PXN: variants seen among roughly 807,000 people sequenced by gnomAD.
The protein encoded by PXN is testicular tissue protein Li 134.
PXN carries 61 observed loss-of-function variants against 103.6 expected under a neutral mutation model. That is an observed-to-expected ratio of 0.59 (90% CI 0.48 to 0.73). The LOEUF (loss-of-function observed/expected upper bound fraction) is 0.73, where lower values mean the gene tolerates loss of function less well. Among genes scored for constraint, PXN ranks in the 30% least tolerant of loss-of-function variants. The pLI, the probability that PXN is intolerant of heterozygous loss-of-function variation, is 0.00. For synonymous variants in PXN, 562 were observed against 607.8 expected (o/e 0.92, Z 1.11); for missense variants, 1,274 against 1,460.3 (o/e 0.87, Z 2.08).
chr12:120,256,222 G>T (rs1290660364), intron 1 of PXN, among the ~76,000 whole-genome samples: 4 of 152,002 alleles, frequency 2.6e-5, no homozygotes, highest in African/African-American at 9.7e-5. Context: ...ACCAGCCTGA[G>T]AAACATAATG....
intron 1 of PXN, among the ~76,000 whole-genome samples, chr12:120,254,488 G>C (rs760655156): frequency 6.6e-6 from 1 of 152,176 alleles, no homozygotes; most frequent in Non-Finnish European, 1.5e-5. Context: ...CTATCTGTAC[G>C]TATCCTATGA....
Position 120,222,417 on chromosome 12 carries a change from AT to A in PXN, c.695+131del. On this transcript the variant is annotated intron_variant, in intron 5 of 14. Coordinates refer to ENST00000637617, the MANE Select transcript of PXN (RefSeq NM_001385981.1). The surrounding 1 kb of genome is among the most constrained non-coding windows in gnomAD (Gnocchi z 4.7). ...GATGGTGTCCATGTGACTCACCACT[AT>A]CCCCCCAGTGCCTGGCAAATGGCAG... The A allele has an allele frequency of 9.6e-7, 1 of 1,036,324 alleles. No homozygotes were observed. 64.2% of individuals were successfully genotyped at this position (1,036,324 alleles called of 1,614,324 possible). A position where few individuals can be genotyped will look rare whatever the true frequency, so the allele number is the denominator to read the frequency against.
In PXN at chr12:120,222,763, A is replaced by C; in HGVS notation, c.494-13T>G. On this transcript the variant is annotated splice_polypyrimidine_tract_variant and intron_variant, in intron 4 of 14. Transcript: ENST00000637617. The surrounding 1 kb of genome is among the most constrained non-coding windows in gnomAD (Gnocchi z 4.7). Reference sequence around the variant, plus strand: ...GAGTTGGCCTCATCTTGCAGAGAGGAGAGAAAAAGGCTGCTCAGCCCTTGA... The same window carrying C: ...GAGTTGGCCTCATCTTGCAGAGAGGCGAGAAAAAGGCTGCTCAGCCCTTGA... The C allele has an allele frequency of 6.2e-7, 1 of 1,601,760 alleles. No homozygotes were observed. The highest frequency in any genetic ancestry group is 8.5e-7 in the Non-Finnish European group (1 of 1,173,910).
rs1243576081 is a variant in PXN, at chr12:120,225,068, T to TC, written c.14-692dup. 6 of 259,708 alleles carry TC rather than the reference T, an allele frequency of 2.3e-5. No individual in the cohort carries two copies. Among genetic ancestry groups the TC allele is most frequent in the African/African-American group, 1.3e-4 (6 of 45,220 alleles). 16.1% of individuals were successfully genotyped at this position (259,708 alleles called of 1,614,324 possible). ...TGGCAAGCAGCCCGGCCCCAGAGGC[T>TC]CCAGGCCCCCACTGTTCTGCTTTTA... is the stretch of plus-strand genomic sequence containing the variant. On this transcript the variant is annotated intron_variant, in intron 1 of 14. Transcript: ENST00000637617. The surrounding 1 kb of genome is among the most constrained non-coding windows in gnomAD (Gnocchi z 4.4).
In PXN at chr12:120,217,107, C is replaced by T; in HGVS notation, c.1726G>A (p.Val576Met). The T allele has an allele frequency of 6.3e-7, 1 of 1,586,624 alleles. No homozygotes were observed. Among genetic ancestry groups the T allele is most frequent in the African/African-American group, 1.3e-5 (1 of 74,898 alleles). The part of the protein sequence containing the change: ...RISTSGQIRS[V>M]IRRSWESGHA... ...CCAGACTCCCAGCTCCTCCTGATCA[C>T]AGATCGGATCTAGGGGGAGGGGGAG... The change falls in exon 8 of 15, where the codon GTG becomes ATG. Residue 576 changes from valine (V) to methionine (M), a missense_variant. Coordinates refer to ENST00000637617, the MANE Select transcript of PXN (RefSeq NM_001385981.1). The surrounding 1 kb of genome is among the most constrained non-coding windows in gnomAD (Gnocchi z 4.1).
chr12:120,255,464 G>A (rs529153531), intron 1 of PXN, among the ~76,000 whole-genome samples: 1 of 152,334 alleles, frequency 6.6e-6, no homozygotes, highest in East Asian at 1.9e-4. Context: ...GGGAGACCGA[G>A]GCAGGCAGAT....
rs1007740977 is a variant in PXN at position 120,224,994 on chromosome 12, T to A, written c.14-617A>T. 4 of 336,086 alleles carry A rather than the reference T, an allele frequency of 1.2e-5. No individual in the cohort carries two copies. Among genetic ancestry groups the A allele is most frequent in the African/African-American group, 8.6e-5 (4 of 46,376 alleles). 20.8% of individuals were successfully genotyped at this position (336,086 alleles called of 1,614,324 possible). A position where few individuals can be genotyped will look rare whatever the true frequency, so the allele number is the denominator to read the frequency against. On this transcript the variant is annotated intron_variant, in intron 1 of 14. Coordinates refer to ENST00000637617, the MANE Select transcript of PXN (RefSeq NM_001385981.1). This position sits in a 1 kb window ranked among gnomAD's most constrained non-coding sequence, Gnocchi z 5.0. ...GGCTGGTGCAGCGGTCCCCACCCCC[T>A]CAGTGAGCAGGGGGCAAGACTGCTC...
chr12:120,219,984 C>A lies in PXN; in HGVS notation c.939G>T (p.Leu313=). 1 of 1,587,570 alleles carries A rather than the reference C, an allele frequency of 6.3e-7. No individual in the cohort carries two copies. Among genetic ancestry groups the A allele is most frequent in the Non-Finnish European group, 8.5e-7 (1 of 1,170,658 alleles). The change falls in exon 7 of 15, where the codon CTG becomes CTT. Residue 313 remains leucine (L), a synonymous_variant. Coordinates refer to ENST00000637617, the MANE Select transcript of PXN (RefSeq NM_001385981.1). This position sits in a 1 kb window ranked among gnomAD's most constrained non-coding sequence, Gnocchi z 6.5. ...GAGGGGAGGGTATAGTGGTGGGTGG[C>A]AGAAATACAGATGGCATGGGAGGAG... ...PSPPPMPSVF[L]PPTTIPSPRG... is the part of the protein sequence containing the mutation.
In PXN at chr12:120,224,465, G is replaced by A. The variant is rs762152238; in HGVS notation, c.14-88C>T. The A allele has an allele frequency of 1.0e-6, 1 of 957,990 alleles. No homozygotes were observed. The highest frequency in any genetic ancestry group is 1.3e-5 in the South Asian group (1 of 78,094). 59.3% of individuals were successfully genotyped at this position (957,990 alleles called of 1,614,324 possible). A position where few individuals can be genotyped will look rare whatever the true frequency, so the allele number is the denominator to read the frequency against. ...GGCCCTCCCTGCCTGCACCTCAAGA[G>A]TTAATGCCTTCTAGCACCTGCCCCA... On this transcript the variant is annotated intron_variant, in intron 1 of 14. Transcript: ENST00000637617. The surrounding 1 kb of genome is among the most constrained non-coding windows in gnomAD (Gnocchi z 5.0).
chr12:120,257,445 G>A (rs2238157), intron 1 of PXN, among the ~76,000 whole-genome samples: 22,805 of 152,086 alleles, frequency 0.15, 2,040 homozygotes, highest in East Asian at 0.45. Flanking sequence ...GGCCAGCCTC[G>A]GCATCTCTGC....
chr12:120,223,316 C>G (rs958444491), intron 3 of PXN, among the ~76,000 whole-genome samples: 1 of 152,106 alleles, frequency 6.6e-6, no homozygotes, highest in Admixed American at 6.6e-5. Flanking sequence ...TGCCTGTAGT[C>G]CCAGCTACTT....
chr12:120,238,302 G>A (rs1207542949), intron 1 of PXN, among the ~76,000 whole-genome samples: 1 of 152,144 alleles, frequency 6.6e-6, no homozygotes, highest in Non-Finnish European at 1.5e-5. Flanking sequence ...TAGCCTGCAA[G>A]AAGCCCACTA....
At position 120,225,967 on chromosome 12, in the gene PXN, G is replaced by T; in HGVS notation, c.14-1590C>A. ...TCTGTTCCAAGGCCCAGGACCCCGG[G>T]TCTGGTCGCCTGACCTCCAAGGAAG... is the stretch of plus-strand genomic sequence containing the variant. On this transcript the variant is annotated intron_variant, in intron 1 of 14. Transcript: ENST00000637617. The surrounding 1 kb of genome is among the most constrained non-coding windows in gnomAD (Gnocchi z 4.4). 1 of 785,466 alleles carries T rather than the reference G, an allele frequency of 1.3e-6. No individual in the cohort carries two copies. Among genetic ancestry groups the T allele is most frequent in the African/African-American group, 1.8e-5 (1 of 54,314 alleles). The allele number at this position is 785,466 out of a possible 1,614,324, so 48.7% of individuals were successfully genotyped here.
rs1050196783 is a variant in PXN at position 120,210,818 on chromosome 12, C to G, written c.*1496G>C. The G allele has an allele frequency of 1.0e-4, 16 of 152,658 alleles. No individual in the cohort carries two copies. The highest frequency in any genetic ancestry group is 3.9e-4 in the African/African-American group (16 of 41,422). 9.5% of individuals were successfully genotyped at this position (152,658 alleles called of 1,614,324 possible). ...GGGCCCCTTTCTCCTCATCAGGAGCCCAAGGCCTGGCTCCTCTTTCATCCT... is the reference window on the plus strand; with the variant it reads ...GGGCCCCTTTCTCCTCATCAGGAGCGCAAGGCCTGGCTCCTCTTTCATCCT... On this transcript the variant is annotated 3_prime_UTR_variant, in exon 15 of 15. Coordinates refer to ENST00000637617, the MANE Select transcript of PXN (RefSeq NM_001385981.1).
chr12:120,235,897 C>A (rs527662753), intron 1 of PXN, among the ~76,000 whole-genome samples: 2 of 152,218 alleles, frequency 1.3e-5, no homozygotes, highest in Non-Finnish European at 2.9e-5. Context: ...GGGAACCAAC[C>A]TCTGACCTCG....
chr12:120,228,031 T>G lies in PXN; in HGVS notation c.14-3654A>C, dbSNP rs1887255624. ...CCTCTGCTCTAAATATTCCTGCTCC[T>G]CATACCCCAAAGAAGGTGTCAGGCT... On this transcript the variant is annotated intron_variant, in intron 1 of 14. Transcript: ENST00000637617. The surrounding 1 kb of genome is among the most constrained non-coding windows in gnomAD (Gnocchi z 4.7). 6.6e-6 allele frequency among the ~76,000 whole-genome samples: 1 copy of G among 152,166 alleles called. No homozygotes were observed. Among genetic ancestry groups the G allele is most frequent in the African/African-American group, 2.4e-5 (1 of 41,428 alleles).
intron 1 of PXN, among the ~76,000 whole-genome samples, chr12:120,256,814 T>A (rs1283364778): frequency 6.6e-6 from 1 of 152,072 alleles, no homozygotes; most frequent in African/African-American, 2.4e-5. Flanking sequence ...GCCTCCCAGG[T>A]TCAAGGAATT....
intron 3 of PXN, among the ~76,000 whole-genome samples, chr12:120,223,428 C>T (rs563356259): frequency 3.6e-4 from 54 of 150,298 alleles, no homozygotes; most frequent in Admixed American, 2.4e-3. Flanking sequence ...AGTGACAGAG[C>T]GAGACCCCGT....
intron 1 of PXN, among the ~76,000 whole-genome samples, chr12:120,231,950 T>C (rs1387024572): frequency 1.3e-5 from 2 of 152,246 alleles, no homozygotes; most frequent in Non-Finnish European, 1.5e-5. Context: ...CCAGGTTGAC[T>C]CTGAGCACTT....
Sources: allele counts gnomAD v4.1 joint callset (sites outside exome capture counted in the v4.1 genomes callset), GRCh38; gene constraint gnomAD v4.1.1; non-coding constraint Gnocchi (gnomAD v3.1); transcripts MANE v1.5; gene names NCBI Gene and HGNC (gene_info 2026-07-23, HGNC 2026-07-21).